Variants in CAPN2 observed in about 807,000 individuals in gnomAD.
CAPN2 encodes calpain 2, also known as calpain-2 catalytic subunit.
Under a neutral mutation model 102.3 loss-of-function variants are expected in CAPN2, and 92 were observed. That is an observed-to-expected ratio of 0.90 (90% CI 0.76 to 1.07). The LOEUF (loss-of-function observed/expected upper bound fraction) is 1.07. CAPN2 is among the 50% of genes least tolerant of loss of function. The pLI, the probability that CAPN2 is intolerant of heterozygous loss-of-function variation, is 0.00. For missense variants in CAPN2, 800 were observed against 909.4 expected (o/e 0.88, Z 1.55); for synonymous variants, 340 against 355.4 (o/e 0.96, Z 0.49).
chr1:223,711,840 C>A (rs1298475753), upstream of CAPN2, among the ~76,000 whole-genome samples: 1 of 152,212 alleles, frequency 6.6e-6, no homozygotes, highest in Non-Finnish European at 1.5e-5. Context: ...AGGTGATCCG[C>A]CTGCCTCCGG....
At position 223,712,726 on chromosome 1, in the gene CAPN2, A is replaced by G; in HGVS notation, c.86A>G (p.Asn29Ser). Reference sequence around the variant, plus strand: ...CACGACAGGGCCATCAAGTACCTCAACCAGGACTACGAGGCGCTGCGGAAC... The same window carrying G: ...CACGACAGGGCCATCAAGTACCTCAGCCAGGACTACGAGGCGCTGCGGAAC... ...GSHDRAIKYL[N>S]QDYEALRNEC... The change falls in exon 1 of 21, where the codon AAC becomes AGC. Residue 29 changes from asparagine (N) to serine (S), a missense_variant. Asn to Ser is a conservative substitution (Grantham distance 46, BLOSUM62 1). Coordinates refer to ENST00000295006, the MANE Select transcript of CAPN2 (RefSeq NM_001748.5). 6.3e-7 allele frequency: 1 copy of G among 1,587,148 alleles called. No homozygotes were observed. The highest frequency in any genetic ancestry group is 8.6e-7 in the Non-Finnish European group (1 of 1,168,794).
intron 2 of CAPN2, among the ~76,000 whole-genome samples, chr1:223,730,999 G>A (rs929167344): frequency 6.6e-6 from 1 of 152,240 alleles, no homozygotes. Flanking sequence ...AGCTATGGAA[G>A]TAGTGGAGGC....
intron 2 of CAPN2, among the ~76,000 whole-genome samples, chr1:223,738,336 A>G (rs1207867065): frequency 1.3e-5 from 2 of 152,006 alleles, no homozygotes; most frequent in African/African-American, 4.8e-5. Flanking sequence ...TTTTTTAAAA[A>G]TAATTTTTAT....
At chr1:223,716,534 G>C (rs1021435060) in intron 1 of CAPN2, among the ~76,000 whole-genome samples, 1 of 152,042 alleles carries the variant, frequency 6.6e-6, no homozygotes, top group Non-Finnish European at 1.5e-5. Context: ...GGCAGATGGT[G>C]CTTCCGGAAG....
intron 1 of CAPN2, 49 bp downstream of exon 1, chr1:223,712,926 C>T (rs1395876929): frequency 5.8e-6 from 8 of 1,385,412 alleles, no homozygotes; most frequent in African/African-American, 3.0e-5. Context: ...CCGGGCAGGG[C>T]GGGGTGCAGG....
At chr1:223,753,749 A>G (rs2102804693) in intron 9 of CAPN2, among the ~76,000 whole-genome samples, 2 of 152,350 alleles carry the variant, frequency 1.3e-5, no homozygotes, top group South Asian at 4.1e-4. Context: ...AACACAGTCA[A>G]AACTTTGTTT....
intron 16 of CAPN2, among the ~76,000 whole-genome samples, chr1:223,766,743 C>A (rs1558078399): frequency 6.6e-6 from 1 of 152,016 alleles, no homozygotes; most frequent in East Asian, 1.9e-4. Context: ...TCCTGACTCA[C>A]GAGGTCAGGA....
At chr1:223,728,740 C>T (rs1660260310) in intron 2 of CAPN2, among the ~76,000 whole-genome samples, 1 of 152,168 alleles carries the variant, frequency 6.6e-6, no homozygotes. Context: ...GATGTGTTTT[C>T]TGGGACTTCC....
In CAPN2 at chr1:223,745,376, T is replaced by A. The variant is rs773488784; in HGVS notation, c.497T>A (p.Leu166His). ...CTGCCCACCAAGGACGGGGAGCTGC[T>A]CTTTGTGCATTCAGCCGAAGGGAGC... ...DRLPTKDGELLFVHSAEGSEF... is the reference protein window; with the variant it reads ...DRLPTKDGELHFVHSAEGSEF... The change falls in exon 4 of 21, where the codon CTC (leucine) becomes CAC (histidine). Residue 166 changes from leucine to histidine, a missense_variant. Coordinates refer to ENST00000295006, the MANE Select transcript of CAPN2 (RefSeq NM_001748.5). 6.2e-7 allele frequency: 1 copy of A among 1,614,166 alleles called. No homozygotes were observed. Among genetic ancestry groups the A allele is most frequent in the Non-Finnish European group, 8.5e-7 (1 of 1,180,038 alleles).
At chr1:223,736,025 A>G (rs1211560245) in intron 2 of CAPN2, among the ~76,000 whole-genome samples, 1 of 152,006 alleles carries the variant, frequency 6.6e-6, no homozygotes, top group African/African-American at 2.4e-5. Flanking sequence ...TGATCTGCCC[A>G]CCTTGGTCTC....
intron 9 of CAPN2, among the ~76,000 whole-genome samples, chr1:223,753,557 C>A (rs1268300270): frequency 1.3e-5 from 2 of 152,264 alleles, no homozygotes; most frequent in African/African-American, 4.8e-5. Context: ...ATGACATCTG[C>A]CAATTATGGG....
chr1:223,704,839 T>A (rs756840153), intron 1 of CAPN2, among the ~76,000 whole-genome samples: 6 of 152,188 alleles, frequency 3.9e-5, no homozygotes, highest in Non-Finnish European at 7.3e-5. Flanking sequence ...ACATCTAGAC[T>A]GTCATTAAAC....
Position 223,759,267 on chromosome 1 carries a change from C to G in CAPN2, c.1318-3C>G. ...CCCCCATGTTTCTCTATTTATTCCT[C>G]AGTTAAGTGGGCAGACCAACATCCA... On this transcript the variant is annotated splice_region_variant and splice_polypyrimidine_tract_variant and intron_variant, in intron 11 of 20. Coordinates refer to ENST00000295006, the MANE Select transcript of CAPN2 (RefSeq NM_001748.5). This position sits in a 1 kb window ranked among gnomAD's most constrained non-coding sequence, Gnocchi z 4.6. The G allele has an allele frequency of 6.2e-7, 1 of 1,613,492 alleles. No homozygotes were observed. Among genetic ancestry groups the G allele is most frequent in the Non-Finnish European group, 8.5e-7 (1 of 1,179,426 alleles).
chr1:223,708,379 G>A (rs913341236), upstream of CAPN2, among the ~76,000 whole-genome samples: 2 of 150,950 alleles, frequency 1.3e-5, no homozygotes, highest in Admixed American at 6.6e-5. Flanking sequence ...AGCCAAGATC[G>A]CGCCATTGCA....
intron 1 of CAPN2, among the ~76,000 whole-genome samples, chr1:223,714,039 C>G (rs929830116): frequency 3.3e-5 from 5 of 152,192 alleles, no homozygotes; most frequent in African/African-American, 9.7e-5. Context: ...CAGCAAGGCA[C>G]GCTGTTACCT....
At position 223,755,613 on chromosome 1, in the gene CAPN2, C is replaced by G. The variant is rs368949645; in HGVS notation, c.1269C>G (p.Gly423=). 6.2e-7 allele frequency: 1 copy of G among 1,609,320 alleles called. No homozygotes were observed. The highest frequency in any genetic ancestry group is 1.7e-5 in the Admixed American group (1 of 59,762). Residue 423 remains glycine (G), a synonymous_variant, in exon 10 of 21, where the codon GGC becomes GGG. Transcript: ENST00000295006. The surrounding 1 kb of genome is among the most constrained non-coding windows in gnomAD (Gnocchi z 4.1). ...ACCGACGGCGGCAGAGGAAGATGGG[C>G]GAGGACATGCACACCATCGGCTTTG... The part of the protein sequence containing the change: ...QKHRRRQRKM[G]EDMHTIGFGI...
chr1:223,729,468 C>T (rs568636383), intron 2 of CAPN2, among the ~76,000 whole-genome samples: 5 of 152,252 alleles, frequency 3.3e-5, no homozygotes, highest in Non-Finnish European at 5.9e-5. Flanking sequence ...ATATGAGTGA[C>T]CAAAGCCTGT....
chr1:223,708,293 G>C (rs1018276458), upstream of CAPN2, among the ~76,000 whole-genome samples: 1 of 152,146 alleles, frequency 6.6e-6, no homozygotes, highest in Non-Finnish European at 1.5e-5. Context: ...CAGAGATGGA[G>C]GATGTCAAAT....
chr1:223,709,765 A>T (rs1659692196), upstream of CAPN2, among the ~76,000 whole-genome samples: 1 of 152,222 alleles, frequency 6.6e-6, no homozygotes, highest in Non-Finnish European at 1.5e-5. Context: ...ACATGACGTG[A>T]AGAGTACTGA....
Sources: gnomAD v4.1 joint callset for allele counts (sites outside exome capture counted in the v4.1 genomes callset) on GRCh38, gnomAD v4.1.1 for gene constraint, Gnocchi (gnomAD v3.1) non-coding constraint, MANE v1.5 for transcripts, NCBI Gene and HGNC (gene_info 2026-07-23, HGNC 2026-07-21) for gene names.